MBNL1: variants seen among roughly 807,000 people sequenced by gnomAD.
The protein encoded by MBNL1 is muscleblind like splicing regulator 1.
MBNL1 carries 8 observed loss-of-function variants against 42.2 expected under a neutral mutation model. That is an observed-to-expected ratio of 0.19 (90% confidence interval 0.11 to 0.34). The LOEUF is 0.34. MBNL1 is among the 10% of genes least tolerant of loss of function. MBNL1 has a pLI of 1.00. For missense variants in MBNL1, 309 were observed against 495.3 expected, an observed-to-expected ratio of 0.62 and a Z score of 3.57; for synonymous variants, 169 against 173.9, an observed-to-expected ratio of 0.97 and a Z score of 0.22.
intron 2 of MBNL1, among the ~76,000 whole-genome samples, chr3:152,406,855 T>G (rs2098441080): frequency 6.6e-6 from 1 of 152,180 alleles, no homozygotes; most frequent in Non-Finnish European, 1.5e-5. Flanking sequence ...TAGAAAAGTC[T>G]AACCTAAAAT....
At chr3:152,262,138 G>A (rs926241338) in intron 2 of MBNL1, among the ~76,000 whole-genome samples, 5 of 152,138 alleles carry the variant, frequency 3.3e-5, no homozygotes, top group African/African-American at 1.2e-4. Flanking sequence ...ATAATCAGCA[G>A]TCAATGACTA....
chr3:152,283,542 C>G (rs1327412712), intron 1 of MBNL1, among the ~76,000 whole-genome samples: 1 of 152,196 alleles, frequency 6.6e-6, no homozygotes, highest in Non-Finnish European at 1.5e-5. Flanking sequence ...AAGATTTCTT[C>G]AGATCCCATA....
At chr3:152,457,796 G>C (rs1736730326) in intron 8 of MBNL1, 2 of 247,946 alleles carry the variant, frequency 8.1e-6, no homozygotes, top group African/African-American at 4.4e-5. Flanking sequence ...AGAATTGCTG[G>C]TGTAAGCAGA....
intron 2 of MBNL1, among the ~76,000 whole-genome samples, chr3:152,375,418 G>C (rs2096854855): frequency 6.6e-6 from 1 of 152,016 alleles, no homozygotes; most frequent in South Asian, 2.1e-4. Context: ...ATAGCATCTT[G>C]TATAAGGTAC....
chr3:152,301,463 T>C lies in MBNL1; in HGVS notation c.174+1096T>C, dbSNP rs549295452. On this transcript the variant is annotated intron_variant, in intron 2 of 9. Coordinates refer to ENST00000324210, the MANE Select transcript of MBNL1 (RefSeq NM_021038.5). ...AAATATATGGTGCTATAATAATCTT[T>C]TCTTTAATAACATCAGGGTGAGTTA... 9.8e-5 allele frequency among the ~76,000 whole-genome samples: 15 copies of C among 152,332 alleles called. No homozygotes were observed. In the South Asian group the frequency reaches 2.9e-3, roughly 29 times the overall value.
intron 2 of MBNL1, among the ~76,000 whole-genome samples, chr3:152,380,427 T>A (rs1474549772): frequency 6.6e-6 from 1 of 151,940 alleles, no homozygotes; most frequent in East Asian, 1.9e-4. Flanking sequence ...ATGGAGAGAA[T>A]GAGAAGAAAA....
intron 2 of MBNL1, chr3:152,338,432 G>A (rs2091952988): frequency 1.0e-6 from 1 of 985,270 alleles, no homozygotes; most frequent in Non-Finnish European, 1.2e-6. Context: ...TGAGCACCGT[G>A]CTGGGTACCA....
intron 2 of MBNL1, among the ~76,000 whole-genome samples, chr3:152,346,526 CT>C (rs1198020938): frequency 6.6e-6 from 1 of 152,004 alleles, no homozygotes; most frequent in Non-Finnish European, 1.5e-5. Context: ...TGATTACTGA[CT>C]AGATACAAGA....
chr3:152,283,741 A>C (rs1356821708), intron 1 of MBNL1, among the ~76,000 whole-genome samples: 1 of 152,170 alleles, frequency 6.6e-6, no homozygotes, highest in Non-Finnish European at 1.5e-5. Context: ...GCCCCATTAC[A>C]TACAGGTGTT....
At chr3:152,254,507 T>C (rs2035160349) in intron 2 of MBNL1, among the ~76,000 whole-genome samples, 1 of 152,130 alleles carries the variant, frequency 6.6e-6, no homozygotes, top group Non-Finnish European at 1.5e-5. Context: ...CCTTTCCTGA[T>C]TAGCCATCTG....
intron 1 of MBNL1, among the ~76,000 whole-genome samples, chr3:152,282,386 A>G (rs1400996425): frequency 6.6e-6 from 1 of 152,132 alleles, no homozygotes; most frequent in Non-Finnish European, 1.5e-5. Context: ...CCATGCTAAT[A>G]TACTAATTTT....
intron 1 of MBNL1, among the ~76,000 whole-genome samples, chr3:152,294,377 A>G (rs955941928): frequency 5.6e-5 from 8 of 144,042 alleles, no homozygotes; most frequent in East Asian, 2.0e-4. Context: ...TCTGCCTCCC[A>G]GGTTCACGCC....
intron 6 of MBNL1, among the ~76,000 whole-genome samples, chr3:152,453,238 A>C (rs1001608333): frequency 3.3e-5 from 5 of 152,042 alleles, no homozygotes; most frequent in African/African-American, 1.2e-4. Flanking sequence ...CTTCCAACTA[A>C]ATCTTCATTA....
Position 152,455,571 on chromosome 3 carries a change from A to G in MBNL1, c.991A>G (p.Ser331Gly). The G allele has an allele frequency of 6.2e-7, 1 of 1,613,580 alleles. No homozygotes were observed. Among genetic ancestry groups the G allele is most frequent in the Non-Finnish European group, 8.5e-7 (1 of 1,179,600 alleles). Residue 331 changes from serine to glycine, a missense_variant, in exon 7 of 10, where the codon AGT becomes GGT. Coordinates refer to ENST00000324210, the MANE Select transcript of MBNL1 (RefSeq NM_021038.5). ...GSILCMTPAT[S>G]VVPMVHGATP... ...AATATTGTGCATGACACCCGCTACA[A>G]GTGTTGGTAGGTGCCAGCTTTGTTT... is the stretch of plus-strand genomic sequence containing the variant.
At position 152,293,325 on chromosome 3, in the gene MBNL1, A is replaced by G. The variant is rs76796965; in HGVS notation, c.-789-6080A>G. ...TTCAGATGGCAGTTCTTCCCATATA[A>G]TGTATAACATCTTTGTTACTCTACT... is the stretch of plus-strand genomic sequence containing the variant. On this transcript the variant is annotated intron_variant, in intron 1 of 9. Coordinates refer to ENST00000324210, the MANE Select transcript of MBNL1 (RefSeq NM_021038.5). Among the ~76,000 whole-genome samples the G allele has an allele frequency of 2.3e-3, 352 of 152,282 alleles. 1 individual carries two copies. Among genetic ancestry groups the G allele is most frequent in the African/African-American group, 7.1e-3 (297 of 41,558 alleles).
intron 2 of MBNL1, among the ~76,000 whole-genome samples, chr3:152,351,520 G>A (rs1251244308): frequency 6.6e-6 from 1 of 152,160 alleles, no homozygotes; most frequent in Non-Finnish European, 1.5e-5. Context: ...TATTAAAGGT[G>A]TAATTTCACA....
intron 2 of MBNL1, among the ~76,000 whole-genome samples, chr3:152,364,266 A>G (rs1455994949): frequency 6.6e-6 from 1 of 152,122 alleles, no homozygotes; most frequent in Non-Finnish European, 1.5e-5. Context: ...ATTCCTTAAG[A>G]CAAGACATCT....
intron 2 of MBNL1, among the ~76,000 whole-genome samples, chr3:152,308,660 GC>G (rs1165928507): frequency 6.6e-6 from 1 of 152,036 alleles, no homozygotes; most frequent in South Asian, 2.1e-4. Context: ...TTGATCCTGG[GC>G]CCTGTCTACT....
intron 2 of MBNL1, among the ~76,000 whole-genome samples, chr3:152,355,598 T>C (rs1310669605): frequency 6.6e-6 from 1 of 152,226 alleles, no homozygotes; most frequent in Non-Finnish European, 1.5e-5. Flanking sequence ...TTTTTTCGTA[T>C]TTTTCAATTA....
Sources: allele counts gnomAD v4.1 joint callset (sites outside exome capture counted in the v4.1 genomes callset), GRCh38; gene constraint gnomAD v4.1.1; transcripts MANE v1.5; gene names NCBI Gene and HGNC (gene_info 2026-07-23, HGNC 2026-07-21).